ANO1: variants seen among roughly 807,000 people sequenced by gnomAD.
The protein encoded by ANO1 is anoctamin 1, also known as anoctamin-1.
Under a neutral mutation model 124.0 loss-of-function variants are expected in ANO1, and 59 were observed. That is an observed-to-expected ratio of 0.48 (90% CI 0.39 to 0.59). ANO1 has a LOEUF of 0.59. Ranked by LOEUF, ANO1 falls within the 20% of genes least tolerant of loss-of-function variation. ANO1 has a pLI of 0.00. For synonymous variants in ANO1, 529 were observed against 532.0 expected, an observed-to-expected ratio of 0.99 and a Z score of 0.08; for missense variants, 1,059 against 1,328.0, an observed-to-expected ratio of 0.80 and a Z score of 3.15.
chr11:70,021,856 G>A (rs1468842060), intron 1 of ANO1, among the ~76,000 whole-genome samples: 3 of 152,154 alleles, frequency 2.0e-5, no homozygotes, highest in Admixed American at 6.5e-5. Context: ...AGGCAGGAGC[G>A]TGCGAACTGA....
chr11:70,054,366 G>A (rs1433424642), intron 1 of ANO1, among the ~76,000 whole-genome samples: 10 of 152,236 alleles, frequency 6.6e-5, no homozygotes, highest in Non-Finnish European at 1.3e-4. Flanking sequence ...CTAAGGGGCA[G>A]ATGTTGTGGG....
Position 70,078,575 on chromosome 11 carries a change from C to G in ANO1, c.-32C>G. The stretch of plus-strand genomic sequence containing the variant: ...GGGGCCGTGGATGGGGAGGGCGCGC[C>G]GCCCGGCGGTCCCAGCGCACAGGCG... On this transcript the variant is annotated 5_prime_UTR_variant, in exon 1 of 26. Transcript: ENST00000355303. The G allele has an allele frequency of 7.1e-7, 1 of 1,411,214 alleles. No individual in the cohort carries two copies. Among genetic ancestry groups the G allele is most frequent in the Non-Finnish European group, 9.4e-7 (1 of 1,062,772 alleles). 87.4% of individuals were successfully genotyped at this position (1,411,214 alleles called of 1,614,324 possible).
At chr11:69,986,569 T>C (rs1455093402) in intron 1 of ANO1, among the ~76,000 whole-genome samples, 1 of 152,162 alleles carries the variant, frequency 6.6e-6, no homozygotes, top group Non-Finnish European at 1.5e-5. Flanking sequence ...CAGGCGCTAT[T>C]AATACACATA....
the ANO1 span, among the ~76,000 whole-genome samples, chr11:69,977,803 G>A: frequency 6.6e-6 from 1 of 152,242 alleles, no homozygotes; most frequent in African/African-American, 2.4e-5. Context: ...CAGAGGCTGT[G>A]GCTGCTCTGA....
Position 70,078,536 on chromosome 11 carries a change from C to A in ANO1, c.-71C>A. On this transcript the variant is annotated 5_prime_UTR_variant, in exon 1 of 26. Transcript: ENST00000355303. ...GCGCCGCGAACGCTGCGGTCTCCGC[C>A]CGCAGAGGCCGCCGGGGCCGTGGAT... 8.9e-7 allele frequency: 1 copy of A among 1,129,050 alleles called. No individual in the cohort carries two copies. Among genetic ancestry groups the A allele is most frequent in the African/African-American group, 1.7e-5 (1 of 58,816 alleles). 69.9% of individuals were successfully genotyped at this position (1,129,050 alleles called of 1,614,324 possible).
chr11:70,111,752 C>T lies in ANO1; in HGVS notation c.845C>T (p.Pro282Leu). Residue 282 changes from proline (P) to leucine (L), a missense_variant, in exon 7 of 26, where the codon CCA (proline) becomes CTA (leucine). Physicochemically the swap from Pro to Leu is moderately conservative, Grantham distance 98 (BLOSUM62 -3). Coordinates refer to ENST00000355303, the MANE Select transcript of ANO1 (RefSeq NM_018043.7). ...AATGGTGTGTACGCGGCTGCATACC[C>T]ACTGCACGATGTAAGTAACCTTGAC... ...LANGVYAAAY[P>L]LHDGDYNGEN... 4 of 1,614,020 alleles carry T rather than the reference C, an allele frequency of 2.5e-6. No individual in the cohort carries two copies. Among genetic ancestry groups the T allele is most frequent in the Non-Finnish European group, 2.5e-6 (3 of 1,179,878 alleles).
chr11:70,072,091 C>T (rs995917502), intron 1 of ANO1, among the ~76,000 whole-genome samples: 1 of 152,180 alleles, frequency 6.6e-6, no homozygotes, highest in African/African-American at 2.4e-5. Flanking sequence ...CTTTATTGTA[C>T]AGAAACGTTG....
At position 70,085,584 on chromosome 11, in the gene ANO1, G is replaced by C. The variant is rs557522975; in HGVS notation, c.109-2168G>C. On this transcript the variant is annotated intron_variant, in intron 1 of 25. Transcript: ENST00000355303. Reference sequence around the variant, plus strand: ...CCAGGAGAGGCATCCTAGGGCCAGAGAGGCCAAGGTGCCAGGGACATGGCC... The same window carrying C: ...CCAGGAGAGGCATCCTAGGGCCAGACAGGCCAAGGTGCCAGGGACATGGCC... 874 of 1,535,922 alleles carry C rather than the reference G, an allele frequency of 5.7e-4. 17 individuals are homozygous for C. In the South Asian group the frequency reaches 9.9e-3, roughly 17 times the overall value.
upstream of ANO1, among the ~76,000 whole-genome samples, chr11:70,077,337 C>A (rs2044074851): frequency 6.6e-6 from 1 of 152,174 alleles, no homozygotes; most frequent in South Asian, 2.1e-4. Flanking sequence ...GAGAATCCAG[C>A]AGGACTTCCT....
At chr11:70,013,132 G>A (rs906119585) in intron 1 of ANO1, among the ~76,000 whole-genome samples, 3 of 152,180 alleles carry the variant, frequency 2.0e-5, no homozygotes, top group South Asian at 4.1e-4. Context: ...GAAACTTGCC[G>A]GGCAAAAACA....
At chr11:70,037,133 C>T (rs1857107960) in intron 1 of ANO1, among the ~76,000 whole-genome samples, 1 of 152,156 alleles carries the variant, frequency 6.6e-6, no homozygotes, top group Non-Finnish European at 1.5e-5. Flanking sequence ...TCAAGAGGTA[C>T]ACCCAGGTGG....
intron 25 of ANO1, among the ~76,000 whole-genome samples, chr11:70,187,335 C>A (rs1015288510): frequency 6.6e-6 from 1 of 152,214 alleles, no homozygotes; most frequent in Non-Finnish European, 1.5e-5. Flanking sequence ...GGTAGATGTT[C>A]AGGGAGACCC....
chr11:70,177,130 T>G (rs1306107102), intron 22 of ANO1, among the ~76,000 whole-genome samples: 1 of 152,218 alleles, frequency 6.6e-6, no homozygotes, highest in East Asian at 1.9e-4. Flanking sequence ...GGCGATCACC[T>G]GGGCGGACCC....
intron 1 of ANO1, among the ~76,000 whole-genome samples, chr11:70,041,567 A>G (rs1454441414): frequency 6.6e-6 from 1 of 152,238 alleles, no homozygotes; most frequent in East Asian, 1.9e-4. Flanking sequence ...TTTCATGAAA[A>G]GATGTGAGCT....
chr11:70,010,004 T>C (rs1591031637), intron 1 of ANO1, among the ~76,000 whole-genome samples: 3 of 152,026 alleles, frequency 2.0e-5, no homozygotes, highest in Admixed American at 1.3e-4. Context: ...CTCCCACTTA[T>C]AGGTGAGAAC....
At chr11:70,030,260 C>T (rs1431447816) in intron 1 of ANO1, among the ~76,000 whole-genome samples, 4 of 152,170 alleles carry the variant, frequency 2.6e-5, no homozygotes, top group Non-Finnish European at 4.4e-5. Flanking sequence ...CATCTGGAGC[C>T]GAGAGCCAGC....
chr11:70,164,230 GAGTAATTC>G (rs1440515118), intron 19 of ANO1, among the ~76,000 whole-genome samples: 2 of 152,212 alleles, frequency 1.3e-5, no homozygotes, highest in Non-Finnish European at 2.9e-5. Context: ...CCAACCCACA[GAGTAATTC>G]AGCTGATCAG....
chr11:70,044,017 T>C, intron 1 of ANO1, among the ~76,000 whole-genome samples: 1 of 151,976 alleles, frequency 6.6e-6, no homozygotes, highest in Non-Finnish European at 1.5e-5. Context: ...ATGACATACA[T>C]AGAAATAAAA....
chr11:70,088,867 T>C (rs943775327), intron 2 of ANO1, among the ~76,000 whole-genome samples: 49 of 152,208 alleles, frequency 3.2e-4, no homozygotes, highest in Non-Finnish European at 6.8e-4. Context: ...CTGAAGTCCG[T>C]GGCTCTGTAA....
Sources: allele counts gnomAD v4.1 joint callset (sites outside exome capture counted in the v4.1 genomes callset), GRCh38; gene constraint gnomAD v4.1.1; transcripts MANE v1.5; gene names NCBI Gene and HGNC (gene_info 2026-07-23, HGNC 2026-07-21).